CLNK: variants seen among roughly 807,000 people sequenced by gnomAD.
The protein encoded by CLNK is cytokine dependent hematopoietic cell linker.
A neutral mutation model predicts 68.6 loss-of-function variants in CLNK; 74 were observed. The observed-to-expected ratio is 1.08, with a 90% CI of 0.89 to 1.31. The LOEUF (loss-of-function observed/expected upper bound fraction) is 1.31, where lower values mean the gene tolerates loss of function less well. CLNK is among the 50% of genes most tolerant of loss of function. The pLI is 0.00. For synonymous variants in CLNK, 198 were observed against 172.2 expected, an observed-to-expected ratio of 1.15 and a Z score of -1.17; for missense variants, 553 against 515.3, an observed-to-expected ratio of 1.07 and a Z score of -0.71.
At chr4:10,722,559 A>G in the CLNK span, among the ~76,000 whole-genome samples, 1 of 152,340 alleles carries the variant, frequency 6.6e-6, no homozygotes, top group South Asian at 2.1e-4. Flanking sequence ...CTCTGCTCTC[A>G]TAATGTTACC....
chr4:10,704,585 T>C, the CLNK span, among the ~76,000 whole-genome samples: 2 of 152,098 alleles, frequency 1.3e-5, no homozygotes, highest in Non-Finnish European at 2.9e-5. Flanking sequence ...CCCTGTCTGC[T>C]CCTCTAGGTT....
intron 2 of CLNK, among the ~76,000 whole-genome samples, chr4:10,619,516 A>G (rs764624572): frequency 1.8e-4 from 28 of 152,330 alleles, no homozygotes; most frequent in Non-Finnish European, 2.8e-4. Flanking sequence ...CTGTGTGGCA[A>G]TGACTTCACT....
At chr4:10,512,115 G>A (rs1196502900) in intron 16 of CLNK, among the ~76,000 whole-genome samples, 1 of 152,146 alleles carries the variant, frequency 6.6e-6, no homozygotes. Context: ...GATCTGGGAG[G>A]GAGCGTAATC....
chr4:10,551,661 A>T (rs1045534381), intron 8 of CLNK, among the ~76,000 whole-genome samples: 1 of 152,194 alleles, frequency 6.6e-6, no homozygotes, highest in African/African-American at 2.4e-5. Flanking sequence ...ATAAAACATA[A>T]GTATAATGTT....
At chr4:10,714,265 G>C in the CLNK span, among the ~76,000 whole-genome samples, 2 of 152,184 alleles carry the variant, frequency 1.3e-5, no homozygotes, top group Non-Finnish European at 2.9e-5. Flanking sequence ...GATTATACTT[G>C]TGACTTAAAT....
the CLNK span, among the ~76,000 whole-genome samples, chr4:10,692,877 A>G: frequency 6.6e-6 from 1 of 152,220 alleles, no homozygotes; most frequent in Admixed American, 6.5e-5. Context: ...GGTTAAACAG[A>G]CTTCCCAATT....
chr4:10,559,979 A>T (rs1190414498), intron 7 of CLNK, among the ~76,000 whole-genome samples: 1 of 152,166 alleles, frequency 6.6e-6, no homozygotes, highest in Non-Finnish European at 1.5e-5. Flanking sequence ...CTCAGTTGTG[A>T]CAACCAAAAA....
chr4:10,676,377 T>C (rs939422227), intron 1 of CLNK, among the ~76,000 whole-genome samples: 3 of 142,242 alleles, frequency 2.1e-5, no homozygotes, highest in Admixed American at 7.7e-5. Context: ...GTCAAATGCA[T>C]TGTTATTATA....
intron 1 of CLNK, among the ~76,000 whole-genome samples, chr4:10,669,808 G>C (rs1002396115): frequency 6.6e-6 from 1 of 152,174 alleles, no homozygotes; most frequent in Non-Finnish European, 1.5e-5. Flanking sequence ...CAGGGAAAGG[G>C]GAGGCGGCTG....
chr4:10,710,408 G>A, the CLNK span, among the ~76,000 whole-genome samples: 1 of 152,164 alleles, frequency 6.6e-6, no homozygotes, highest in Non-Finnish European at 1.5e-5. Flanking sequence ...CTGAAGCAAA[G>A]AAACCAAAGG....
At chr4:10,679,307 A>T (rs1339229907) in intron 1 of CLNK, among the ~76,000 whole-genome samples, 1 of 152,242 alleles carries the variant, frequency 6.6e-6, no homozygotes, top group Non-Finnish European at 1.5e-5. Flanking sequence ...AAAACTGGCT[A>T]GCCATATGTA....
intron 18 of CLNK, among the ~76,000 whole-genome samples, chr4:10,496,366 C>T (rs1188158112): frequency 6.6e-6 from 1 of 152,122 alleles, no homozygotes; most frequent in Non-Finnish European, 1.5e-5. Context: ...ATGCCTTTAT[C>T]TTGTTTTAAA....
chr4:10,708,216 T>A, the CLNK span, among the ~76,000 whole-genome samples: 1 of 152,186 alleles, frequency 6.6e-6, no homozygotes, highest in South Asian at 2.1e-4. Flanking sequence ...GAGCCCCAGT[T>A]TTTCGCATCC....
intron 2 of CLNK, among the ~76,000 whole-genome samples, chr4:10,622,679 T>C (rs1435540005): frequency 6.6e-6 from 1 of 152,238 alleles, no homozygotes; most frequent in Non-Finnish European, 1.5e-5. Context: ...TACTATGAAA[T>C]TTGCCCATTT....
chr4:10,733,496 A>G, the CLNK span, among the ~76,000 whole-genome samples: 4 of 152,168 alleles, frequency 2.6e-5, no homozygotes, highest in Non-Finnish European at 5.9e-5. Context: ...TGATGTATAA[A>G]ATGGGGACTT....
chr4:10,508,078 G>T, intron 16 of CLNK, 42 bp from the exon 17 acceptor site: 1 of 1,434,708 alleles, frequency 7.0e-7, no homozygotes, highest in Non-Finnish European at 9.6e-7. Flanking sequence ...GGGTCAATGG[G>T]AAGTATGAAT....
At chr4:10,699,268 C>CACACAGACACACCACGTATGTGTGTAT in the CLNK span, among the ~76,000 whole-genome samples, 1 of 32,414 alleles carries the variant, frequency 3.1e-5, no homozygotes, top group East Asian at 8.2e-4. Context: ...TGTGTATACA[C>CACACAGACACACCACGTATGTGTGTAT]ACACACACAC....
chr4:10,575,919 T>A (rs1310959247), intron 4 of CLNK, among the ~76,000 whole-genome samples: 2 of 152,268 alleles, frequency 1.3e-5, no homozygotes, highest in Admixed American at 6.5e-5. Context: ...ACTTTTTTTT[T>A]ATGTTTCTCC....
At chr4:10,608,505 G>A (rs1391149869) in intron 2 of CLNK, among the ~76,000 whole-genome samples, 3 of 152,140 alleles carry the variant, frequency 2.0e-5, no homozygotes, top group African/African-American at 7.2e-5. Context: ...TCTCTCCTTA[G>A]TGAACAACAG....
Sources: allele counts gnomAD v4.1 joint callset (sites outside exome capture counted in the v4.1 genomes callset), GRCh38; gene constraint gnomAD v4.1.1; transcripts MANE v1.5; gene names NCBI Gene and HGNC (gene_info 2026-07-23, HGNC 2026-07-21).